ENOX2: variants seen among roughly 807,000 people sequenced by gnomAD.
The protein encoded by ENOX2 is APK1 antigen.
In ENOX2, 36 loss-of-function variants were observed where a neutral mutation model predicts 45.0. The observed-to-expected ratio is 0.80, with a 90% CI of 0.61 to 1.06. The LOEUF (loss-of-function observed/expected upper bound fraction) is 1.06. ENOX2 is among the 50% of genes least tolerant of loss of function. ENOX2 has a pLI of 0.00. For missense variants in ENOX2, 423 were observed against 462.5 expected, an observed-to-expected ratio of 0.91 and a Z score of 0.78; for synonymous variants, 174 against 152.3, an observed-to-expected ratio of 1.14 and a Z score of -1.05.
At chrX:130,868,358 C>T (rs755434955) in intron 2 of ENOX2, among the ~76,000 whole-genome samples, 1 of 112,239 alleles carries the variant, frequency 8.9e-6, no homozygotes, top group African/African-American at 3.2e-5. Context: ...TTTGGTGCCA[C>T]TCTCTTAATT....
chrX:130,799,728 C>G (rs1036845630), intron 2 of ENOX2, among the ~76,000 whole-genome samples: 1 of 111,379 alleles, frequency 9.0e-6, no homozygotes, highest in Non-Finnish European at 1.9e-5. Flanking sequence ...TCCATAAAAG[C>G]ATGAAATAAA....
In ENOX2 at chrX:130,623,456, T is replaced by A. The variant is rs766578901; in HGVS notation, c.*1858A>T. The A allele has an allele frequency of 2.7e-5, 3 of 111,260 alleles. No individual in the cohort carries two copies. The highest frequency in any genetic ancestry group is 5.6e-5 in the Non-Finnish European group (3 of 53,123). The allele number at this position is 111,260 out of a possible 1,213,427, so 9.2% of individuals were successfully genotyped here. On this transcript the variant is annotated 3_prime_UTR_variant, in exon 15 of 15. Transcript: ENST00000394363. The stretch of plus-strand genomic sequence containing the variant: ...AGGTGAACGTGTGCCATGGTGGTTT[T>A]GCTGCACCTCAACCCATCACCTAGG...
intron 3 of ENOX2, among the ~76,000 whole-genome samples, chrX:130,765,502 C>T (rs1245620949): frequency 9.0e-6 from 1 of 110,903 alleles, no homozygotes; most frequent in Non-Finnish European, 1.9e-5. Context: ...CCTTTTTCAC[C>T]TAATTTTATA....
At chrX:130,662,949 G>A (rs1453541037) in intron 9 of ENOX2, among the ~76,000 whole-genome samples, 1 of 111,705 alleles carries the variant, frequency 9.0e-6, no homozygotes, top group Non-Finnish European at 1.9e-5. Flanking sequence ...GGAAAGTCAT[G>A]CTGGTCATGT....
At chrX:130,880,603 A>C (rs1328731502) in intron 2 of ENOX2, among the ~76,000 whole-genome samples, 1 of 112,562 alleles carries the variant, frequency 8.9e-6, no homozygotes, top group Admixed American at 9.4e-5. Context: ...TGGAAGCTGA[A>C]AAGTTGTGAG....
intron 3 of ENOX2, among the ~76,000 whole-genome samples, chrX:130,749,687 C>T (rs983663240): frequency 1.8e-5 from 2 of 110,762 alleles, no homozygotes; most frequent in African/African-American, 6.6e-5. Context: ...AAAATTTCTC[C>T]CTGTTGTCAC....
At chrX:130,839,484 A>G (rs1489529658) in intron 2 of ENOX2, among the ~76,000 whole-genome samples, 1 of 112,058 alleles carries the variant, frequency 8.9e-6, no homozygotes, top group Non-Finnish European at 1.9e-5. Context: ...ATTGCTGAGG[A>G]ATAGCCCGGG....
chrX:130,646,121 A>T, intron 10 of ENOX2: 2 of 524,917 alleles, frequency 3.8e-6, no homozygotes, highest in Non-Finnish European at 7.1e-6. Flanking sequence ...TGCTGCCTGC[A>T]GCCCAGCAAG....
chrX:130,655,714 A>G (rs1378937848), intron 10 of ENOX2, among the ~76,000 whole-genome samples: 1 of 111,940 alleles, frequency 8.9e-6, no homozygotes, highest in Non-Finnish European at 1.9e-5. Context: ...TGCTCACTGC[A>G]ATGTCTGCCT....
intron 2 of ENOX2, among the ~76,000 whole-genome samples, chrX:130,878,488 G>C (rs1437210474): frequency 9.0e-6 from 1 of 111,096 alleles, no homozygotes; most frequent in Non-Finnish European, 1.9e-5. Flanking sequence ...TCCTTTTTCC[G>C]TGAGACTATG....
At position 130,635,086 on chromosome X, in the gene ENOX2, T is replaced by C; in HGVS notation, c.1317A>G (p.Leu439=). 9.1e-7 allele frequency: 1 copy of C among 1,096,994 alleles called. No individual in the cohort carries two copies. Among genetic ancestry groups the C allele is most frequent in the Non-Finnish European group, 1.3e-6 (1 of 798,799 alleles). The allele number at this position is 1,096,994 out of a possible 1,213,427, so 90.4% of individuals were successfully genotyped here. The part of the protein sequence containing the change: ...QQALQGMQQH[L]LKVQEEYKKK... ...TTTTGTATTCCTCTTGGACTTTGAG[T>C]AGATGCTACAAGAAAAGACCAAAGA... Residue 439 remains leucine (L), a synonymous_variant, in exon 12 of 15, where the codon CTA becomes CTG. Transcript: ENST00000394363.
intron 9 of ENOX2, among the ~76,000 whole-genome samples, chrX:130,658,593 A>G (rs1391758202): frequency 1.8e-5 from 2 of 112,193 alleles, no homozygotes; most frequent in Non-Finnish European, 3.8e-5. Flanking sequence ...AAACAGCAGA[A>G]AGCTAAAGAT....
chrX:130,703,156 C>G lies in ENOX2; in HGVS notation c.61G>C (p.Ala21Pro), dbSNP rs1290662168. ...WATAMNNLGM[A>P]PLGIAGQPIL... ...GGTTGTCCGGCAATTCCCAGCGGTG[C>G]CATTCCAAGATTATTCATTGCTGTG... Residue 21 changes from alanine (A) to proline (P), a missense_variant, in exon 4 of 15, where the codon GCA (alanine) becomes CCA (proline). Ala to Pro is a conservative substitution (Grantham distance 27). Around this residue, in one of 5 missense-constraint regions of ENOX2, gnomAD observed 261 missense variants for 306.8 expected, o/e 0.85. Coordinates refer to ENST00000394363, the MANE Select transcript of ENOX2 (RefSeq NM_006375.4). The G allele has an allele frequency of 8.3e-7, 1 of 1,207,193 alleles. No individual in the cohort carries two copies. Among genetic ancestry groups the G allele is most frequent in the African/African-American group, 1.7e-5 (1 of 57,282 alleles).
intron 3 of ENOX2, among the ~76,000 whole-genome samples, chrX:130,731,980 A>T (rs928167324): frequency 2.7e-5 from 3 of 111,979 alleles, no homozygotes; most frequent in African/African-American, 9.7e-5. Context: ...TCTATTCAAC[A>T]TACTACTGGA....
intron 3 of ENOX2, among the ~76,000 whole-genome samples, chrX:130,725,429 T>C (rs1328585956): frequency 9.3e-6 from 1 of 107,466 alleles, no homozygotes; most frequent in Non-Finnish European, 1.9e-5. Context: ...TTCAAACCAT[T>C]AGAAGCAACA....
At chrX:130,703,935 C>T (rs1026462659) in intron 3 of ENOX2, among the ~76,000 whole-genome samples, 4 of 111,591 alleles carry the variant, frequency 3.6e-5, no homozygotes, top group Non-Finnish European at 7.5e-5. Context: ...TCACCACCTC[C>T]ACCCACTACT....
chrX:130,738,752 T>C (rs2038915337), intron 3 of ENOX2, among the ~76,000 whole-genome samples: 1 of 112,267 alleles, frequency 8.9e-6, no homozygotes, highest in African/African-American at 3.2e-5. Context: ...TCTGCTGAAA[T>C]AGCTCATGTC....
chrX:130,813,325 T>C (rs764315433), intron 2 of ENOX2, among the ~76,000 whole-genome samples: 3 of 112,428 alleles, frequency 2.7e-5, no homozygotes, highest in Non-Finnish European at 3.8e-5. Flanking sequence ...AAACCGTATA[T>C]GCACATTCAG....
intron 2 of ENOX2, among the ~76,000 whole-genome samples, chrX:130,831,031 G>A (rs2077814963): frequency 1.8e-5 from 2 of 111,577 alleles, no homozygotes; most frequent in Admixed American, 9.5e-5. Context: ...ATCATAACAC[G>A]GCTGAAGGGC....
Sources: allele counts gnomAD v4.1 joint callset (sites outside exome capture counted in the v4.1 genomes callset), GRCh38; gene constraint gnomAD v4.1.1; regional missense constraint gnomAD v4.1.1; transcripts MANE v1.5; gene names NCBI Gene and HGNC (gene_info 2026-07-23, HGNC 2026-07-21).